Variants in KCND2 observed in about 807,000 individuals in gnomAD.
KCND2 encodes potassium voltage-gated channel subfamily D member 2.
In KCND2, 16 loss-of-function variants were observed where a neutral mutation model predicts 54.4. That is an observed-to-expected ratio of 0.29 (90% CI 0.20 to 0.45). KCND2 has a LOEUF of 0.45. KCND2 is among the 20% of genes least tolerant of loss of function. The pLI is 1.00. For synonymous variants in KCND2, 317 were observed against 310.7 expected, an observed-to-expected ratio of 1.02 and a Z score of -0.21; for missense variants, 486 against 824.2, an observed-to-expected ratio of 0.59 and a Z score of 5.02.
rs1166089787 is a variant in KCND2, at chr7:120,335,470, T to TACTG, written c.1115+59724_1115+59725insCTGA. ...TTATTTATTTATTTACTTACTTACT[T>TACTG]ATTTATTTATTTATTTATTTATTTA... On this transcript the variant is annotated intron_variant, in intron 1 of 5. Coordinates refer to ENST00000331113, the MANE Select transcript of KCND2 (RefSeq NM_012281.3). 1.5e-4 allele frequency among the ~76,000 whole-genome samples: 14 copies of TACTG among 93,918 alleles called. 1 individual carries two copies. Among genetic ancestry groups the TACTG allele is most frequent in the African/African-American group, 6.3e-4 (14 of 22,218 alleles). 61.6% of individuals were successfully genotyped at this position (93,918 alleles called of 152,430 possible).
intron 1 of KCND2, among the ~76,000 whole-genome samples, chr7:120,341,718 T>A (rs1192013172): frequency 3.9e-5 from 6 of 152,064 alleles, no homozygotes; most frequent in African/African-American, 1.2e-4. Flanking sequence ...AGATGCCAAA[T>A]TTTAGGAAGG....
intron 1 of KCND2, among the ~76,000 whole-genome samples, chr7:120,667,057 A>G (rs530271366): frequency 9.9e-5 from 15 of 152,120 alleles, no homozygotes; most frequent in African/African-American, 3.6e-4. Flanking sequence ...ACTTCATAAG[A>G]AGGAAGTACA....
intron 1 of KCND2, among the ~76,000 whole-genome samples, chr7:120,607,705 G>T (rs564556823): frequency 1.3e-5 from 2 of 152,100 alleles, no homozygotes; most frequent in East Asian, 3.9e-4. Flanking sequence ...TCGATCATGA[G>T]ATTTCAAAAA....
intron 1 of KCND2, among the ~76,000 whole-genome samples, chr7:120,606,047 A>G (rs1792877635): frequency 1.3e-5 from 2 of 152,136 alleles, no homozygotes; most frequent in African/African-American, 4.8e-5. Context: ...TTTCCCCTGC[A>G]CACACTCTCT....
At chr7:120,434,110 C>G (rs1801832274) in intron 1 of KCND2, among the ~76,000 whole-genome samples, 1 of 152,098 alleles carries the variant, frequency 6.6e-6, no homozygotes, top group Non-Finnish European at 1.5e-5. Flanking sequence ...TGAGCCAAAT[C>G]CAAACTTGCT....
At chr7:120,615,012 A>G (rs189447938) in intron 1 of KCND2, among the ~76,000 whole-genome samples, 1 of 152,336 alleles carries the variant, frequency 6.6e-6, no homozygotes, top group Admixed American at 6.5e-5. Context: ...AAGAAAAGAC[A>G]TGTACGGTAG....
At chr7:120,382,422 A>G (rs1041186512) in intron 1 of KCND2, among the ~76,000 whole-genome samples, 4 of 151,964 alleles carry the variant, frequency 2.6e-5, no homozygotes, top group African/African-American at 9.7e-5. Flanking sequence ...TAATTCTAAT[A>G]CATTTTTGTA....
intron 1 of KCND2, among the ~76,000 whole-genome samples, chr7:120,289,159 A>G (rs1256009320): frequency 6.6e-6 from 1 of 151,944 alleles, no homozygotes; most frequent in African/African-American, 2.4e-5. Flanking sequence ...GATTCTTACA[A>G]TGGGACAAAG....
At chr7:120,586,506 A>G (rs1792602533) in intron 1 of KCND2, among the ~76,000 whole-genome samples, 1 of 152,184 alleles carries the variant, frequency 6.6e-6, no homozygotes, top group South Asian at 2.1e-4. Context: ...TCTGTAATTG[A>G]TCTTGCATCA....
chr7:120,291,392 A>G (rs1799433079), intron 1 of KCND2, among the ~76,000 whole-genome samples: 1 of 151,924 alleles, frequency 6.6e-6, no homozygotes, highest in Admixed American at 6.6e-5. Flanking sequence ...ATCTTTTGCC[A>G]TCATTAAGAT....
intron 1 of KCND2, 92 bp from the exon 2 acceptor site, chr7:120,732,811 T>C: frequency 1.0e-6 from 1 of 1,002,204 alleles, no homozygotes; most frequent in South Asian, 1.4e-5. Flanking sequence ...GTCCAAAAAA[T>C]CATTTGACTT....
intron 1 of KCND2, among the ~76,000 whole-genome samples, chr7:120,295,491 A>C (rs1473635697): frequency 6.6e-6 from 1 of 151,698 alleles, no homozygotes; most frequent in Admixed American, 6.6e-5. Context: ...GTGCTTGGGG[A>C]GGGAAACCAA....
chr7:120,583,638 T>C (rs1792548508), intron 1 of KCND2, among the ~76,000 whole-genome samples: 1 of 152,096 alleles, frequency 6.6e-6, no homozygotes, highest in African/African-American at 2.4e-5. Context: ...GTCTAAATGT[T>C]CTCTTCTTAT....
intron 1 of KCND2, among the ~76,000 whole-genome samples, chr7:120,722,622 A>C (rs1369641469): frequency 6.6e-6 from 1 of 152,236 alleles, no homozygotes; most frequent in East Asian, 1.9e-4. Context: ...ATTACTGGAT[A>C]ATCCATAGGT....
intron 1 of KCND2, among the ~76,000 whole-genome samples, chr7:120,456,541 A>G (rs1802203760): frequency 2.0e-5 from 3 of 152,218 alleles, no homozygotes; most frequent in Admixed American, 6.5e-5. Context: ...CTACCCAATA[A>G]CATCACAATA....
At chr7:120,554,930 A>G (rs1792145657) in intron 1 of KCND2, among the ~76,000 whole-genome samples, 1 of 152,132 alleles carries the variant, frequency 6.6e-6, no homozygotes, top group Admixed American at 6.5e-5. Context: ...CTTCACTCCC[A>G]TACTCAAAGG....
chr7:120,411,965 T>C (rs898582881), intron 1 of KCND2, among the ~76,000 whole-genome samples: 3 of 151,968 alleles, frequency 2.0e-5, no homozygotes, highest in African/African-American at 7.2e-5. Context: ...TATCCCTGGC[T>C]AAGCACCATC....
At chr7:120,382,519 T>G (rs1800929282) in intron 1 of KCND2, among the ~76,000 whole-genome samples, 1 of 151,890 alleles carries the variant, frequency 6.6e-6, no homozygotes. Flanking sequence ...CTGGCACATG[T>G]TGATAAAATT....
chr7:120,431,415 A>G (rs1563043964), intron 1 of KCND2, among the ~76,000 whole-genome samples: 1 of 152,182 alleles, frequency 6.6e-6, no homozygotes, highest in Admixed American at 6.5e-5. Flanking sequence ...AGTAGTGAGT[A>G]TCAGTTATTG....
Sources: gnomAD v4.1 joint callset for allele counts (sites outside exome capture counted in the v4.1 genomes callset) on GRCh38, gnomAD v4.1.1 for gene constraint, MANE v1.5 for transcripts, NCBI Gene and HGNC (gene_info 2026-07-23, HGNC 2026-07-21) for gene names.